ITCH: variants seen among roughly 807,000 people sequenced by gnomAD.
The protein encoded by ITCH is itchy E3 ubiquitin protein ligase.
In ITCH, 28 loss-of-function variants were observed where a neutral mutation model predicts 126.8. The observed-to-expected ratio is 0.22, with a 90% CI of 0.16 to 0.30. The LOEUF (loss-of-function observed/expected upper bound fraction) is 0.30, where lower values mean the gene tolerates loss of function less well. Among genes scored for constraint, ITCH ranks in the 10% least tolerant of loss-of-function variants. ITCH has a pLI of 1.00. For synonymous variants in ITCH, 342 were observed against 340.0 expected, an observed-to-expected ratio of 1.01 and a Z score of -0.06; for missense variants, 631 against 1,032.4, an observed-to-expected ratio of 0.61 and a Z score of 5.33.
At chr20:34,475,332 G>A (rs1314676999) in intron 16 of ITCH, among the ~76,000 whole-genome samples, 10 of 152,156 alleles carry the variant, frequency 6.6e-5, no homozygotes, top group Non-Finnish European at 1.5e-4. Flanking sequence ...GTAGCTAGCC[G>A]AGATCACGCC....
chr20:34,399,615 C>T (rs1486383751), intron 3 of ITCH, among the ~76,000 whole-genome samples: 1 of 151,744 alleles, frequency 6.6e-6, no homozygotes, highest in Non-Finnish European at 1.5e-5. Flanking sequence ...CTGAGGCGGG[C>T]AGATCATCCG....
intron 14 of ITCH, chr20:34,466,262 A>T: frequency 2.4e-6 from 1 of 414,522 alleles, no homozygotes; most frequent in South Asian, 1.8e-5. Flanking sequence ...TCCAGGAATA[A>T]ATCCTACTTA....
Position 34,462,151 on chromosome 20 carries a change from A to G in ITCH, c.1354A>G (p.Ile452Val). The change falls in exon 14 of 25, where the codon ATT becomes GTT. Residue 452 changes from isoleucine (I) to valine (V), a missense_variant. Ile to Val is a conservative substitution (Grantham distance 29, BLOSUM62 3). Transcript: ENST00000374864. Reference protein sequence around the residue: ...GWEMRFTVDGIPYFVDHNRRT... With the variant: ...GWEMRFTVDGVPYFVDHNRRT... ...GGAAATGAGATTCACAGTGGATGGA[A>G]TTCCATATTTTGTGGACCACAATAG... 3 of 1,613,678 alleles carry G rather than the reference A, an allele frequency of 1.9e-6. No homozygotes were observed. Among genetic ancestry groups the G allele is most frequent in the Non-Finnish European group, 2.5e-6 (3 of 1,179,624 alleles).
rs59876098 is a variant in ITCH at position 34,394,209 on chromosome 20, CAAA to C, written c.70+349_70+351del. ...CCTGGGTGATAGGGTGAGACTGTCT[CAAA>C]AAAAAAAAAAAAAAAAAAAACTTAA... On this transcript the variant is annotated intron_variant, in intron 3 of 24. Coordinates refer to ENST00000374864, the MANE Select transcript of ITCH (RefSeq NM_031483.7). Among the ~76,000 whole-genome samples, 33 of 62,920 alleles carry C rather than the reference CAAA, an allele frequency of 5.2e-4. 1 individual carries two copies. Among genetic ancestry groups the C allele is most frequent in the Non-Finnish European group, 7.9e-4 (25 of 31,488 alleles). The allele number at this position is 62,920 out of a possible 152,430, so 41.3% of individuals were successfully genotyped here.
chr20:34,497,961 C>T (rs967025036), intron 23 of ITCH, among the ~76,000 whole-genome samples: 1 of 152,206 alleles, frequency 6.6e-6, no homozygotes, highest in Non-Finnish European at 1.5e-5. Flanking sequence ...AATTTTTCAA[C>T]CCATGAACAT....
At chr20:34,377,647 T>G (rs1208301731) in intron 2 of ITCH, among the ~76,000 whole-genome samples, 4 of 151,908 alleles carry the variant, frequency 2.6e-5, no homozygotes, top group Admixed American at 2.6e-4. Context: ...GCAGATCGCT[T>G]GAGCCCAGGT....
rs1358616507 is a variant in ITCH, at chr20:34,495,283, T to TA, written c.2416+2689dup. On this transcript the variant is annotated intron_variant, in intron 23 of 24. Coordinates refer to ENST00000374864, the MANE Select transcript of ITCH (RefSeq NM_031483.7). ...TCCAACTCAAAAATAAATAAATAAA[T>TA]AAATAAATAAAATATATATATATAT... Among the ~76,000 whole-genome samples, 650 of 69,982 alleles carry TA rather than the reference T, an allele frequency of 9.3e-3. 2 individuals carry two copies. Among genetic ancestry groups the TA allele is most frequent in the African/African-American group, 0.015 (378 of 24,462 alleles). 45.9% of individuals were successfully genotyped at this position (69,982 alleles called of 152,430 possible).
At chr20:34,399,678 A>G (rs1261043574) in intron 3 of ITCH, among the ~76,000 whole-genome samples, 3 of 151,440 alleles carry the variant, frequency 2.0e-5, no homozygotes, top group African/African-American at 4.8e-5. Context: ...TGTTTCTACT[A>G]AAAAATACAA....
intron 12 of ITCH, among the ~76,000 whole-genome samples, chr20:34,456,092 TATGTATGTATATATAC>T (rs1361737775): frequency 6.7e-6 from 1 of 149,138 alleles, no homozygotes; most frequent in East Asian, 1.9e-4. Flanking sequence ...TTTGTATATA[TATGTATGTATATATAC>T]ACACTCTCAA....
At chr20:34,416,697 CAA>C (rs1175839121) in intron 6 of ITCH, among the ~76,000 whole-genome samples, 1 of 152,112 alleles carries the variant, frequency 6.6e-6, no homozygotes, top group East Asian at 1.9e-4. Flanking sequence ...CCAAGTGAAA[CAA>C]AGTGTACTTG....
At position 34,413,610 on chromosome 20, in the gene ITCH, G is replaced by GT. The variant is rs2146173136; in HGVS notation, c.338-130dup. ...GTGTTCAAACCTTGGGTGAAACATA[G>GT]TTAAACAGTTTATATGCACATATAG... is the stretch of plus-strand genomic sequence containing the variant. On this transcript the variant is annotated intron_variant, in intron 5 of 24. Transcript: ENST00000374864. 1.4e-5 allele frequency: 11 copies of GT among 801,710 alleles called. No homozygotes were observed. In the South Asian group the frequency reaches 2.1e-4, roughly 15 times the overall value. The allele number at this position is 801,710 out of a possible 1,614,324, so 49.7% of individuals were successfully genotyped here.
intron 24 of ITCH, among the ~76,000 whole-genome samples, chr20:34,504,748 C>G (rs1376721327): frequency 6.6e-6 from 1 of 152,116 alleles, no homozygotes; most frequent in Non-Finnish European, 1.5e-5. Flanking sequence ...ATGTAGAAAA[C>G]TAAATCTAAT....
intron 2 of ITCH, among the ~76,000 whole-genome samples, chr20:34,375,692 T>TA (rs34550934): frequency 2.8e-5 from 4 of 143,336 alleles, no homozygotes; most frequent in East Asian, 2.0e-4. Flanking sequence ...TATTGGTAGT[T>TA]AAAATTTTTT....
At chr20:34,400,797 A>C (rs1415999115) in intron 3 of ITCH, among the ~76,000 whole-genome samples, 1 of 151,562 alleles carries the variant, frequency 6.6e-6, no homozygotes. Context: ...TCGCTCTGTC[A>C]CCCAGGCTGG....
chr20:34,366,068 G>A (rs1394887438), intron 1 of ITCH, among the ~76,000 whole-genome samples: 1 of 152,148 alleles, frequency 6.6e-6, no homozygotes, highest in African/African-American at 2.4e-5. Context: ...TGAAGAGTAG[G>A]AGTGTGAAAA....
rs553434361 is a variant in ITCH at position 34,374,042 on chromosome 20, G to T, written c.-22+4572G>T. 5.3e-5 allele frequency among the ~76,000 whole-genome samples: 8 copies of T among 152,102 alleles called. No individual in the cohort carries two copies. The South Asian group carries it at 1.7e-3, about 32-fold the overall frequency. On this transcript the variant is annotated intron_variant, in intron 2 of 24. Coordinates refer to ENST00000374864, the MANE Select transcript of ITCH (RefSeq NM_031483.7). ...TGGGACTACAGGTGCCCACCACCAC[G>T]CCTGGCTAATTTTTTGTATTTTAGT...
In ITCH at chr20:34,369,360, G is replaced by A. The variant is rs6059783; in HGVS notation, c.-98-34G>A. ...AACAAACAAACAAAAAAATATAGAA[G>A]TAATGTGTTAATGGACTCTCCTTCC... On this transcript the variant is annotated intron_variant, in intron 1 of 24. Transcript: ENST00000374864. The A allele has an allele frequency of 2.1e-3, 843 of 398,434 alleles. 16 individuals carry two copies. Among genetic ancestry groups the A allele is most frequent in the African/African-American group, 0.015 (734 of 48,558 alleles). 24.7% of individuals were successfully genotyped at this position (398,434 alleles called of 1,614,324 possible).
intron 3 of ITCH, among the ~76,000 whole-genome samples, chr20:34,395,729 G>T (rs1370570276): frequency 6.6e-6 from 1 of 152,002 alleles, no homozygotes; most frequent in African/African-American, 2.4e-5. Flanking sequence ...TGTCTTCTTT[G>T]GGCAGACTGT....
intron 12 of ITCH, chr20:34,451,122 T>C (rs887271658): frequency 2.0e-5 from 3 of 151,982 alleles, no homozygotes; most frequent in African/African-American, 7.3e-5. Flanking sequence ...ACCCTGTCTC[T>C]ACTAAAAATA....
Sources: allele counts gnomAD v4.1 joint callset (sites outside exome capture counted in the v4.1 genomes callset), GRCh38; gene constraint gnomAD v4.1.1; transcripts MANE v1.5; gene names NCBI Gene and HGNC (gene_info 2026-07-23, HGNC 2026-07-21).